SLC35A3: variants seen among roughly 807,000 people sequenced by gnomAD.
The protein encoded by SLC35A3 is UDP-N-acetylglucosamine transporter.
A neutral mutation model predicts 39.0 loss-of-function variants in SLC35A3; 26 were observed. The ratio of observed to expected loss-of-function variants is 0.67; its 90% CI spans 0.49 to 0.92. SLC35A3 has a LOEUF of 0.92. SLC35A3 is among the 40% of genes least tolerant of loss of function. The pLI, the probability that SLC35A3 is intolerant of heterozygous loss-of-function variation, is 0.00. For missense variants in SLC35A3, 299 were observed against 371.6 expected (o/e 0.80, Z 1.61); for synonymous variants, 135 against 133.1 (o/e 1.01, Z -0.10).
At chr1:99,978,338 G>A (rs1657244594) in intron 1 of SLC35A3, among the ~76,000 whole-genome samples, 1 of 151,962 alleles carries the variant, frequency 6.6e-6, no homozygotes, top group South Asian at 2.1e-4. Flanking sequence ...GGCAACACAG[G>A]GAGACCCCAT....
chr1:99,994,508 T>C (rs1302089307), intron 2 of SLC35A3, among the ~76,000 whole-genome samples: 1 of 152,196 alleles, frequency 6.6e-6, no homozygotes, highest in Non-Finnish European at 1.5e-5. Flanking sequence ...CTCTATGAAT[T>C]TGCCTATTCT....
chr1:100,023,452 T>C lies in SLC35A3; in HGVS notation c.*976T>C, dbSNP rs1393918072. On this transcript the variant is annotated 3_prime_UTR_variant, in exon 8 of 8. Transcript: ENST00000533028. ...AGTTATTAAATGAACATTTTACTCATTGATCTGTAAAAACTTCTTTAATCT... is the reference window on the plus strand; with the variant it reads ...AGTTATTAAATGAACATTTTACTCACTGATCTGTAAAAACTTCTTTAATCT... The C allele has an allele frequency of 6.6e-6, 1 of 152,262 alleles. No homozygotes were observed. Among genetic ancestry groups the C allele is most frequent in the Non-Finnish European group, 1.5e-5 (1 of 68,048 alleles). 9.4% of individuals were successfully genotyped at this position (152,262 alleles called of 1,614,324 possible).
chr1:99,970,624 G>A, intron 1 of SLC35A3: 5 of 1,536,182 alleles, frequency 3.3e-6, no homozygotes, highest in Non-Finnish European at 3.5e-6. Context: ...GGAACTTAAA[G>A]AAATGGAAAG....
intron 1 of SLC35A3, among the ~76,000 whole-genome samples, chr1:99,991,524 A>G (rs1179852999): frequency 6.6e-6 from 1 of 152,152 alleles, no homozygotes; most frequent in Non-Finnish European, 1.5e-5. Context: ...TTCTTTTTCA[A>G]AATCGTTTTG....
chr1:100,014,240 A>G (rs988578960), intron 5 of SLC35A3, among the ~76,000 whole-genome samples: 1 of 152,082 alleles, frequency 6.6e-6, no homozygotes, highest in Non-Finnish European at 1.5e-5. Context: ...TTATTTTTTT[A>G]GAGACAGTCT....
At position 100,027,904 on chromosome 1, in the gene SLC35A3, A is replaced by G. The variant is rs1372314915; in HGVS notation, c.*5428A>G. On this transcript the variant is annotated 3_prime_UTR_variant, in exon 8 of 8. Transcript: ENST00000533028. ...ATCCTCAAGTTCCACTGCTATGCAA[A>G]AGTATCTTAGAATCTGAATCTTATA... 1 of 151,638 alleles carries G rather than the reference A, an allele frequency of 6.6e-6. No individual in the cohort carries two copies. The highest frequency in any genetic ancestry group is 1.5e-5 in the Non-Finnish European group (1 of 67,950). 9.4% of individuals were successfully genotyped at this position (151,638 alleles called of 1,614,324 possible). A position where few individuals can be genotyped will look rare whatever the true frequency, so the allele number is the denominator to read the frequency against.
chr1:99,981,016 A>T (rs1442173195), intron 1 of SLC35A3, among the ~76,000 whole-genome samples: 1 of 152,204 alleles, frequency 6.6e-6, no homozygotes, highest in African/African-American at 2.4e-5. Flanking sequence ...TACCAGTGTC[A>T]AAAGTTGTCA....
chr1:100,011,722 A>ATTTATTTG (rs1659660875), intron 5 of SLC35A3, among the ~76,000 whole-genome samples, 189 bp downstream of exon 5: 1 of 125,994 alleles, frequency 7.9e-6, no homozygotes, highest in Non-Finnish European at 1.7e-5. Flanking sequence ...TTATTTATTT[A>ATTTATTTG]TTTATTTATT....
Position 100,024,621 on chromosome 1 carries a change from T to TC in SLC35A3, c.*2146dup, listed in dbSNP as rs1660790123. ...GTATGAATGAAAAAAATAAAATACT[T>TC]CTTTTTTTTTTTTTTTGAGACAGAG... On this transcript the variant is annotated 3_prime_UTR_variant, in exon 8 of 8. Transcript: ENST00000533028. The TC allele has an allele frequency of 9.3e-6, 3 of 323,120 alleles. No individual in the cohort carries two copies. The South Asian group carries it at 4.8e-4, about 51-fold the overall frequency. The allele number at this position is 323,120 out of a possible 1,614,324, so 20.0% of individuals were successfully genotyped here.
In SLC35A3 at chr1:99,993,582, C is replaced by T; in HGVS notation, c.28C>T (p.Leu10=). 2 of 1,613,740 alleles carry T rather than the reference C, an allele frequency of 1.2e-6. No individual in the cohort carries two copies. The highest frequency in any genetic ancestry group is 1.7e-5 in the Admixed American group (1 of 59,982). Reference sequence around the variant, plus strand: ...GTTCGCCAACCTAAAATACGTTTCCCTGGGAATTTTGGTCTTTCAGACTAC... The same window carrying T: ...GTTCGCCAACCTAAAATACGTTTCCTTGGGAATTTTGGTCTTTCAGACTAC... The part of the protein sequence containing the change: MFANLKYVS[L]GILVFQTTSL... Residue 10 remains leucine (L), a synonymous_variant, in exon 2 of 8, where the codon CTG becomes TTG. Coordinates refer to ENST00000533028, the MANE Select transcript of SLC35A3 (RefSeq NM_012243.3).
chr1:99,994,356 T>TATCTAAATTTTATCTAAAATTTTTA (rs1179348452), intron 2 of SLC35A3, among the ~76,000 whole-genome samples: 92 of 131,570 alleles, frequency 7.0e-4, no homozygotes, highest in African/African-American at 2.8e-3. Flanking sequence ...TAAAATTTTT[T>TATCTAAATTTTATCTAAAATTTTTA]ATCTAAATTT....
At chr1:99,973,374 C>G (rs748862272) in intron 1 of SLC35A3, among the ~76,000 whole-genome samples, 9 of 152,128 alleles carry the variant, frequency 5.9e-5, no homozygotes, top group Non-Finnish European at 1.2e-4. Flanking sequence ...AGATTTTAAT[C>G]CTCACAAAAG....
intron 1 of SLC35A3, chr1:99,970,520 C>T: frequency 6.5e-7 from 1 of 1,528,728 alleles, no homozygotes; most frequent in Non-Finnish European, 8.8e-7. Context: ...GCCCGTCATT[C>T]CTTCAGTGAA....
intron 7 of SLC35A3, among the ~76,000 whole-genome samples, chr1:100,020,265 GT>G (rs1354396495): frequency 6.6e-6 from 1 of 151,836 alleles, no homozygotes; most frequent in African/African-American, 2.4e-5. Context: ...AGAAACAGGT[GT>G]TTCCTGACAT....
At chr1:99,992,941 GT>G (rs1482210263) in intron 1 of SLC35A3, 1 of 152,374 alleles carries the variant, frequency 6.6e-6, no homozygotes, top group Non-Finnish European at 1.5e-5. Context: ...TTCTGTGGCT[GT>G]AACCCCTAGT....
chr1:99,999,437 CT>C (rs1298240318), intron 3 of SLC35A3, 22 bp downstream of exon 3: 4 of 1,544,806 alleles, frequency 2.6e-6, no homozygotes, highest in Non-Finnish European at 3.5e-6. Flanking sequence ...ACATTTCTTT[CT>C]TTTTTAAAAA....
intron 1 of SLC35A3, among the ~76,000 whole-genome samples, chr1:99,976,023 G>T (rs1657086453): frequency 6.6e-6 from 1 of 152,114 alleles, no homozygotes; most frequent in South Asian, 2.1e-4. Context: ...TCACAGCACT[G>T]CAGTCCAGCC....
intron 1 of SLC35A3, among the ~76,000 whole-genome samples, chr1:99,983,494 G>C (rs1278970676): frequency 6.6e-6 from 1 of 151,508 alleles, no homozygotes; most frequent in Non-Finnish European, 1.5e-5. Context: ...AGCCGAGATC[G>C]CGCCACTGCA....
Position 100,011,401 on chromosome 1 carries a change from T to G in SLC35A3, c.502T>G (p.Ser168Ala). ...SDSQLDSKELSAGSQFVGLMA... is the reference protein window; with the variant it reads ...SDSQLDSKELAAGSQFVGLMA... Reference sequence around the variant, plus strand: ...TTCTCAGCTTGATTCTAAGGAACTTTCAGCTGGTTCTCAATTTGTAGGACT... The same window carrying G: ...TTCTCAGCTTGATTCTAAGGAACTTGCAGCTGGTTCTCAATTTGTAGGACT... Residue 168 changes from serine to alanine, a missense_variant, in exon 5 of 8, where the codon TCA becomes GCA. Physicochemically the swap from Ser to Ala is moderately conservative, Grantham distance 99 (BLOSUM62 1). Coordinates refer to ENST00000533028, the MANE Select transcript of SLC35A3 (RefSeq NM_012243.3). The G allele has an allele frequency of 1.9e-6, 3 of 1,567,766 alleles. No homozygotes were observed. The highest frequency in any genetic ancestry group is 2.6e-6 in the Non-Finnish European group (3 of 1,154,176).
Sources: allele counts gnomAD v4.1 joint callset (sites outside exome capture counted in the v4.1 genomes callset), GRCh38; gene constraint gnomAD v4.1.1; transcripts MANE v1.5; gene names NCBI Gene and HGNC (gene_info 2026-07-23, HGNC 2026-07-21).